MACROD2: variants seen among roughly 807,000 people sequenced by gnomAD.
MACROD2 encodes ADP-ribose glycohydrolase MACROD2.
A neutral mutation model predicts 70.4 loss-of-function variants in MACROD2; 36 were observed. The observed-to-expected ratio is 0.51, with a 90% CI of 0.39 to 0.68. The LOEUF (loss-of-function observed/expected upper bound fraction) is 0.68. Among genes scored for constraint, MACROD2 ranks in the 30% least tolerant of loss-of-function variants. MACROD2 has a pLI of 0.00. For missense variants in MACROD2, 496 were observed against 538.4 expected (o/e 0.92, Z 0.78); for synonymous variants, 172 against 178.8 (o/e 0.96, Z 0.30).
At position 14,398,976 on chromosome 20, in the gene MACROD2, A is replaced by C. The variant is rs545106427; in HGVS notation, c.272-94503A>C. Among the ~76,000 whole-genome samples, 311 of 151,116 alleles carry C rather than the reference A, an allele frequency of 2.1e-3. 2 individuals are homozygous for C. The highest frequency in any genetic ancestry group is 7.3e-3 in the African/African-American group (303 of 41,252). On this transcript the variant is annotated intron_variant, in intron 3 of 17. Transcript: ENST00000684519. ...ATGTAGTTCTGTTGGAAGTAAACCC[A>C]TTCAGCATTTATATATCTAAAAAAG... is the stretch of plus-strand genomic sequence containing the variant.
chr20:14,673,544 C>A (rs2070821131), intron 4 of MACROD2, among the ~76,000 whole-genome samples: 1 of 152,120 alleles, frequency 6.6e-6, no homozygotes, highest in African/African-American at 2.4e-5. Context: ...GCCATAAAAT[C>A]TGAATTCATA....
At chr20:15,365,804 A>G (rs1370145508) in intron 6 of MACROD2, among the ~76,000 whole-genome samples, 1 of 152,236 alleles carries the variant, frequency 6.6e-6, no homozygotes. Context: ...TTGATTACAT[A>G]ATTAAAAATT....
intron 6 of MACROD2, among the ~76,000 whole-genome samples, chr20:15,233,140 A>G (rs780120315): frequency 6.6e-6 from 1 of 152,024 alleles, no homozygotes; most frequent in African/African-American, 2.4e-5. Context: ...CTTCCCAGAG[A>G]TGCATGAAAT....
At chr20:14,193,572 A>G (rs2081405838) in intron 3 of MACROD2, among the ~76,000 whole-genome samples, 1 of 152,170 alleles carries the variant, frequency 6.6e-6, no homozygotes, top group African/African-American at 2.4e-5. Flanking sequence ...GGTATTACCA[A>G]CCCTAGGACC....
At chr20:14,616,350 T>C (rs1474709382) in intron 4 of MACROD2, among the ~76,000 whole-genome samples, 1 of 152,134 alleles carries the variant, frequency 6.6e-6, no homozygotes, top group African/African-American at 2.4e-5. Flanking sequence ...TCTATCTTCC[T>C]TCTTCCCTGT....
At position 15,585,712 on chromosome 20, in the gene MACROD2, C is replaced by G. The variant is rs567840162; in HGVS notation, c.645+85865C>G. Among the ~76,000 whole-genome samples the G allele has an allele frequency of 2.0e-5, 3 of 152,268 alleles. No individual in the cohort carries two copies. The East Asian group carries it at 5.8e-4, about 29-fold the overall frequency. ...AGCTCCAGTTGCTCCCTGAATCATC[C>G]GTCTTAATAGCAGACACTTTGTTGG... is the stretch of plus-strand genomic sequence containing the variant. On this transcript the variant is annotated intron_variant, in intron 8 of 17. Transcript: ENST00000684519.
chr20:15,269,996 T>C (rs1247474614), intron 6 of MACROD2, among the ~76,000 whole-genome samples: 1 of 152,100 alleles, frequency 6.6e-6, no homozygotes, highest in African/African-American at 2.4e-5. Context: ...ACTTAAACTT[T>C]TAAGGCCCCA....
chr20:15,862,678 G>A (rs1384610425), intron 8 of MACROD2, 67 bp from the exon 9 acceptor site: 15 of 1,286,458 alleles, frequency 1.2e-5, no homozygotes, highest in East Asian at 4.6e-5. Context: ...TTTGTTCTAC[G>A]GCTATGTCCT....
At chr20:14,587,010 T>C (rs1321134009) in intron 4 of MACROD2, among the ~76,000 whole-genome samples, 11 of 151,984 alleles carry the variant, frequency 7.2e-5, no homozygotes, top group Non-Finnish European at 1.0e-4. Flanking sequence ...TTTAGTGTAT[T>C]TTATAATTTA....
At chr20:14,812,135 T>C (rs2072721587) in intron 5 of MACROD2, among the ~76,000 whole-genome samples, 1 of 152,086 alleles carries the variant, frequency 6.6e-6, no homozygotes, top group Non-Finnish European at 1.5e-5. Flanking sequence ...CACATATGTT[T>C]ATTGCAGCAC....
chr20:15,457,254 G>A (rs2046741141), intron 7 of MACROD2, among the ~76,000 whole-genome samples: 2 of 151,916 alleles, frequency 1.3e-5, no homozygotes, highest in African/African-American at 4.8e-5. Context: ...TTCCTGCCTT[G>A]ACTATTCTGT....
At chr20:15,874,543 C>T (rs537055672) in intron 9 of MACROD2, among the ~76,000 whole-genome samples, 11 of 152,156 alleles carry the variant, frequency 7.2e-5, no homozygotes, top group South Asian at 2.1e-4. Flanking sequence ...AGTGTAAAAG[C>T]GTTCCTATTT....
At chr20:15,123,983 C>T (rs1042477602) in intron 5 of MACROD2, among the ~76,000 whole-genome samples, 8 of 151,818 alleles carry the variant, frequency 5.3e-5, no homozygotes, top group Non-Finnish European at 8.8e-5. Context: ...ACATCTGAAA[C>T]GTAAAAAAAA....
chr20:15,401,420 C>T (rs549963182), intron 6 of MACROD2, among the ~76,000 whole-genome samples: 44 of 152,282 alleles, frequency 2.9e-4, no homozygotes, highest in Middle Eastern at 3.4e-3. Context: ...ATGTTTTCAT[C>T]GGTACAGTTT....
At chr20:14,457,964 C>T (rs1211962773) in intron 3 of MACROD2, among the ~76,000 whole-genome samples, 3 of 151,796 alleles carry the variant, frequency 2.0e-5, no homozygotes, top group East Asian at 3.9e-4. Flanking sequence ...TGCTCGGTGT[C>T]ATTGCACGTG....
At chr20:14,760,227 G>A (rs1157602964) in intron 5 of MACROD2, among the ~76,000 whole-genome samples, 1 of 152,062 alleles carries the variant, frequency 6.6e-6, no homozygotes, top group Non-Finnish European at 1.5e-5. Flanking sequence ...TGGAGTGAGG[G>A]CAGGGAGGGA....
Position 14,326,965 on chromosome 20 carries a change from C to A in MACROD2, c.272-166514C>A. The A allele has an allele frequency of 6.2e-7, 1 of 1,613,664 alleles. No individual in the cohort carries two copies. Among genetic ancestry groups the A allele is most frequent in the Non-Finnish European group, 8.5e-7 (1 of 1,179,770 alleles). ...AGTGGATATGCGATTATCATCCAAG[C>A]GTAGTTCTTCTATAGTCCTGGGCAA... On this transcript the variant is annotated intron_variant, in intron 3 of 17. Transcript: ENST00000684519. This position sits in a 1 kb window ranked among gnomAD's most constrained non-coding sequence, Gnocchi z 5.5.
At chr20:15,258,202 AC>A (rs1423634940) in intron 6 of MACROD2, among the ~76,000 whole-genome samples, 1 of 152,118 alleles carries the variant, frequency 6.6e-6, no homozygotes, top group South Asian at 2.1e-4. Flanking sequence ...AAAAATTTAT[AC>A]ATTAAGGTTA....
intron 4 of MACROD2, among the ~76,000 whole-genome samples, chr20:14,609,709 T>C (rs1983037960): frequency 6.6e-6 from 1 of 152,090 alleles, no homozygotes; most frequent in South Asian, 2.1e-4. Flanking sequence ...GTGTTCAAAG[T>C]TGTGGTTCCA....
Sources: allele counts gnomAD v4.1 joint callset (sites outside exome capture counted in the v4.1 genomes callset), GRCh38; gene constraint gnomAD v4.1.1; non-coding constraint Gnocchi (gnomAD v3.1); transcripts MANE v1.5; gene names NCBI Gene and HGNC (gene_info 2026-07-23, HGNC 2026-07-21).